Variants in EYS observed in about 807,000 individuals in gnomAD.
The protein encoded by EYS is EGF-like photoreceptor maintenance factor, also known as protein eyes shut homolog.
Under a neutral mutation model 282.1 loss-of-function variants are expected in EYS, and 250 were observed. The ratio of observed to expected loss-of-function variants is 0.89; its 90% CI spans 0.80 to 0.98. EYS has a LOEUF of 0.98. EYS is among the 50% of genes least tolerant of loss of function. EYS has a pLI of 0.00. For synonymous variants in EYS, 1,355 were observed against 1,282.9 expected (o/e 1.06, Z -1.20); for missense variants, 4,016 against 3,709.0 (o/e 1.08, Z -2.15).
intron 1 of EYS, among the ~76,000 whole-genome samples, chr6:65,705,477 T>C (rs957094013): frequency 2.0e-5 from 3 of 152,150 alleles, no homozygotes; most frequent in African/African-American, 7.2e-5. Context: ...GTCAATACAG[T>C]TTTGTTTTGT....
At chr6:63,952,435 G>A (rs1318167477) in intron 35 of EYS, among the ~76,000 whole-genome samples, 3 of 152,072 alleles carry the variant, frequency 2.0e-5, no homozygotes, top group Non-Finnish European at 2.9e-5. Flanking sequence ...GGGTAAGTCG[G>A]TCCCCTTCTT....
chr6:64,690,958 C>T (rs2149914553), intron 22 of EYS, among the ~76,000 whole-genome samples: 1 of 151,822 alleles, frequency 6.6e-6, no homozygotes, highest in East Asian at 1.9e-4. Context: ...TGCACATGTA[C>T]TCTAGAACTT....
chr6:64,950,040 T>G (rs116584536), intron 14 of EYS, among the ~76,000 whole-genome samples: 1 of 152,052 alleles, frequency 6.6e-6, no homozygotes. Flanking sequence ...ATACATTACT[T>G]ATTTTTATAA....
At chr6:64,771,899 T>C (rs111758343) in intron 22 of EYS, among the ~76,000 whole-genome samples, 2 of 151,812 alleles carry the variant, frequency 1.3e-5, no homozygotes, top group African/African-American at 2.4e-5. Flanking sequence ...GTGTTCTTAT[T>C]GTTTTTAATC....
At chr6:64,752,398 A>G (rs1772787434) in intron 22 of EYS, among the ~76,000 whole-genome samples, 2 of 152,134 alleles carry the variant, frequency 1.3e-5, no homozygotes, top group African/African-American at 4.8e-5. Context: ...TAGACCAAGC[A>G]GAAGAAAGAA....
At chr6:64,507,682 A>G (rs1777254347) in intron 26 of EYS, among the ~76,000 whole-genome samples, 1 of 152,186 alleles carries the variant, frequency 6.6e-6, no homozygotes, top group African/African-American at 2.4e-5. Flanking sequence ...GAATCTCTCA[A>G]GTCGGGAAAA....
chr6:63,917,963 T>G (rs1764468722), intron 35 of EYS, among the ~76,000 whole-genome samples: 1 of 152,198 alleles, frequency 6.6e-6, no homozygotes, highest in Admixed American at 6.5e-5. Context: ...AGGAAAGTAT[T>G]CAAAATCCTG....
At chr6:63,982,055 G>A (rs1429347405) in intron 35 of EYS, among the ~76,000 whole-genome samples, 1 of 151,782 alleles carries the variant, frequency 6.6e-6, no homozygotes, top group African/African-American at 2.4e-5. Context: ...TTAATGTGAT[G>A]TTCTTTAATT....
chr6:64,023,675 G>A (rs974257854), intron 33 of EYS, among the ~76,000 whole-genome samples: 1 of 152,250 alleles, frequency 6.6e-6, no homozygotes, highest in Non-Finnish European at 1.5e-5. Context: ...CCACTTTGGC[G>A]GCACTTGGGG....
intron 26 of EYS, among the ~76,000 whole-genome samples, chr6:64,559,751 T>C (rs1025336167): frequency 6.6e-6 from 1 of 151,408 alleles, no homozygotes; most frequent in African/African-American, 2.4e-5. Flanking sequence ...TATACTACTC[T>C]TTTTTAAAAA....
chr6:63,888,562 G>A (rs1490752644), intron 35 of EYS, among the ~76,000 whole-genome samples: 3 of 152,220 alleles, frequency 2.0e-5, no homozygotes, highest in African/African-American at 7.2e-5. Flanking sequence ...ACTGGTAGAA[G>A]GAAAACTAAC....
intron 22 of EYS, among the ~76,000 whole-genome samples, chr6:64,766,899 T>G (rs1157847068): frequency 6.6e-6 from 1 of 151,454 alleles, no homozygotes; most frequent in African/African-American, 2.4e-5. Context: ...AATTTGTTTA[T>G]AGTGAAAAAG....
At chr6:63,730,603 T>C (rs910821040) in intron 41 of EYS, among the ~76,000 whole-genome samples, 10 of 152,250 alleles carry the variant, frequency 6.6e-5, no homozygotes, top group African/African-American at 1.9e-4. Flanking sequence ...TTTTCCTCCT[T>C]TTCTTTAAAC....
chr6:65,437,041 G>A (rs1768097549), intron 5 of EYS, among the ~76,000 whole-genome samples: 1 of 152,066 alleles, frequency 6.6e-6, no homozygotes, highest in Admixed American at 6.6e-5. Context: ...TAGTATTTTG[G>A]TGTAAGCTGG....
chr6:65,282,733 C>T (rs1768258739), intron 12 of EYS, among the ~76,000 whole-genome samples: 1 of 151,906 alleles, frequency 6.6e-6, no homozygotes, highest in Admixed American at 6.6e-5. Context: ...TCCATAAAGA[C>T]ATGTGCACAT....
chr6:63,992,037 C>T (rs1767628935), intron 34 of EYS, among the ~76,000 whole-genome samples: 2 of 151,704 alleles, frequency 1.3e-5, no homozygotes, highest in South Asian at 2.1e-4. Flanking sequence ...AGACTTTCCC[C>T]ATAAACAAAA....
At chr6:65,598,861 T>G (rs1343471047) in intron 2 of EYS, among the ~76,000 whole-genome samples, 2 of 152,130 alleles carry the variant, frequency 1.3e-5, no homozygotes, top group East Asian at 3.9e-4. Flanking sequence ...TTGCCTCATT[T>G]TCCACAACTG....
At chr6:65,198,058 C>A (rs2150244105) in intron 12 of EYS, among the ~76,000 whole-genome samples, 1 of 151,980 alleles carries the variant, frequency 6.6e-6, no homozygotes, top group Non-Finnish European at 1.5e-5. Context: ...TACAGCTCTC[C>A]AAAAATATTT....
intron 22 of EYS, among the ~76,000 whole-genome samples, chr6:64,680,332 C>T (rs184305021): frequency 1.3e-5 from 2 of 152,118 alleles, no homozygotes; most frequent in South Asian, 2.1e-4. Flanking sequence ...ACAAAATGAT[C>T]ATTTTATGTT....
Sources: gnomAD v4.1 joint callset for allele counts (sites outside exome capture counted in the v4.1 genomes callset) on GRCh38, gnomAD v4.1.1 for gene constraint, MANE v1.5 for transcripts, NCBI Gene and HGNC (gene_info 2026-07-23, HGNC 2026-07-21) for gene names.